The following SGIP1 variants were observed in gnomAD, a reference collection of about 807,000 sequenced individuals.
SGIP1 encodes the protein SH3-containing GRB2-like protein 3-interacting protein 1.
A neutral mutation model predicts 107.5 loss-of-function variants in SGIP1; 38 were observed. The observed-to-expected ratio is 0.35, with a 90% CI of 0.27 to 0.46. The LOEUF (loss-of-function observed/expected upper bound fraction) is 0.46, where lower values mean the gene tolerates loss of function less well. SGIP1 is among the 20% of genes least tolerant of loss of function. SGIP1 has a pLI of 1.00. For missense variants in SGIP1, 929 were observed against 1,019.5 expected (o/e 0.91, Z 1.21); for synonymous variants, 365 against 366.1 (o/e 1.00, Z 0.03).
intron 7 of SGIP1, among the ~76,000 whole-genome samples, chr1:66,649,764 G>T (rs1482018676): frequency 6.6e-6 from 1 of 151,870 alleles, no homozygotes; most frequent in Non-Finnish European, 1.5e-5. Context: ...AATAACCAAA[G>T]TCAGAATTCA....
At chr1:66,675,733 C>CAAAAAGAGACTGGGTTT (rs2085160590) in intron 12 of SGIP1, among the ~76,000 whole-genome samples, 1 of 151,534 alleles carries the variant, frequency 6.6e-6, no homozygotes, top group Non-Finnish European at 1.5e-5. Flanking sequence ...CTGGGTTTCA[C>CAAAAAGAGACTGGGTTT]CATGTTGCCC....
chr1:66,667,461 C>T (rs1025015663), intron 8 of SGIP1, 69 bp from the exon 9 acceptor site: 5 of 1,445,580 alleles, frequency 3.5e-6, no homozygotes, highest in Admixed American at 1.7e-5. Flanking sequence ...TTCTGTTACC[C>T]AAGACTGTTG....
chr1:66,630,893 A>AGGG, intron 2 of SGIP1, among the ~76,000 whole-genome samples: 2 of 60,996 alleles, frequency 3.3e-5, no homozygotes, highest in Admixed American at 1.7e-4. Flanking sequence ...GAAAGAAAGA[A>AGGG]AGAAAGAAAG....
At chr1:66,574,071 A>G (rs1446141761) in intron 1 of SGIP1, among the ~76,000 whole-genome samples, 1 of 152,124 alleles carries the variant, frequency 6.6e-6, no homozygotes, top group East Asian at 1.9e-4. Context: ...TTCACATAAC[A>G]ATCCAATGCA....
chr1:66,559,810 C>CGG (rs556709831), intron 1 of SGIP1, among the ~76,000 whole-genome samples: 1 of 151,814 alleles, frequency 6.6e-6, no homozygotes, highest in Non-Finnish European at 1.5e-5. Context: ...GTTATTTAGC[C>CGG]GGGGGGGTGG....
rs145124896 is a variant in SGIP1 at position 66,582,307 on chromosome 1, G to C, written c.11-43540G>C. On this transcript the variant is annotated intron_variant, in intron 1 of 24. Coordinates refer to ENST00000371037, the MANE Select transcript of SGIP1 (RefSeq NM_032291.4). ...TGAAAATGAAAACCTTTGCTCAGAAGTATTTGTTCTCAGAGGAAGTGGCCA... is the reference window on the plus strand; with the variant it reads ...TGAAAATGAAAACCTTTGCTCAGAACTATTTGTTCTCAGAGGAAGTGGCCA... Among the ~76,000 whole-genome samples, 114 of 152,198 alleles carry C rather than the reference G, an allele frequency of 7.5e-4. 1 individual carries two copies. Among genetic ancestry groups the C allele is most frequent in the South Asian group, 4.8e-3 (23 of 4,830 alleles).
At chr1:66,611,283 G>A (rs1340429733) in intron 1 of SGIP1, among the ~76,000 whole-genome samples, 1 of 152,218 alleles carries the variant, frequency 6.6e-6, no homozygotes, top group Non-Finnish European at 1.5e-5. Context: ...GCTGAGAGAA[G>A]TATAAGTTTA....
At chr1:66,565,581 G>A (rs2059532661) in intron 1 of SGIP1, among the ~76,000 whole-genome samples, 2 of 151,954 alleles carry the variant, frequency 1.3e-5, no homozygotes, top group South Asian at 4.1e-4. Flanking sequence ...AGAGGTATGA[G>A]CAGAAAGTAC....
intron 18 of SGIP1, among the ~76,000 whole-genome samples, chr1:66,700,955 T>C (rs1468800779): frequency 1.3e-5 from 2 of 152,156 alleles, no homozygotes; most frequent in African/African-American, 4.8e-5. Context: ...ACCTTAATCA[T>C]TTACATAATA....
At chr1:66,700,136 C>T (rs567244828) in intron 18 of SGIP1, among the ~76,000 whole-genome samples, 4 of 152,068 alleles carry the variant, frequency 2.6e-5, no homozygotes, top group South Asian at 2.1e-4. Context: ...TTTGGGAGGC[C>T]GAGGCGAGTG....
At position 66,675,541 on chromosome 1, in the gene SGIP1, C is replaced by CTTTTTTTTT. The variant is rs71242802; in HGVS notation, c.647-1453_647-1445dup. ...GTTGTTTTTCTTTTTCTTTTTCTTT[C>CTTTTTTTTT]TTTTTTTTTTTTTTTTTTGACAGAA... On this transcript the variant is annotated intron_variant, in intron 12 of 24. Coordinates refer to ENST00000371037, the MANE Select transcript of SGIP1 (RefSeq NM_032291.4). Among the ~76,000 whole-genome samples the CTTTTTTTTT allele has an allele frequency of 8.9e-5, 10 of 112,392 alleles. 1 individual carries two copies. Among genetic ancestry groups the CTTTTTTTTT allele is most frequent in the Non-Finnish European group, 1.3e-4 (8 of 59,814 alleles). 73.7% of individuals were successfully genotyped at this position (112,392 alleles called of 152,430 possible).
chr1:66,747,623 C>T lies in SGIP1; in HGVS notation c.*4528C>T, dbSNP rs1557857723. ...TCAGATCTCTAACTTGTGAGTTGAA[C>T]CTATTTATTTTGTAAGCTTTTGACT... On this transcript the variant is annotated 3_prime_UTR_variant, in exon 25 of 25. Transcript: ENST00000371037. 1 of 151,938 alleles carries T rather than the reference C, an allele frequency of 6.6e-6. No individual in the cohort carries two copies. Among genetic ancestry groups the T allele is most frequent in the Non-Finnish European group, 1.5e-5 (1 of 67,876 alleles). The allele number at this position is 151,938 out of a possible 1,614,324, so 9.4% of individuals were successfully genotyped here.
At chr1:66,565,365 G>A (rs191358081) in intron 1 of SGIP1, among the ~76,000 whole-genome samples, 196 of 151,940 alleles carry the variant, frequency 1.3e-3, no homozygotes, top group African/African-American at 4.4e-3. Flanking sequence ...ATCTTACCAT[G>A]TTACTCTTGG....
rs199562593 is a variant in SGIP1, at chr1:66,735,194, GTTATTTTATT to G, written c.2031+1336_2031+1345del. Among the ~76,000 whole-genome samples, 8 of 151,236 alleles carry G rather than the reference GTTATTTTATT, an allele frequency of 5.3e-5. No individual in the cohort carries two copies. In the East Asian group the frequency reaches 7.8e-4, roughly 15 times the overall value. The stretch of plus-strand genomic sequence containing the variant: ...CTATAAGATCAACTTTTATTTTTAT[GTTATTTTATT>G]TTATTTTATTTTATTTTATTTAGTT... On this transcript the variant is annotated intron_variant, in intron 21 of 24. Coordinates refer to ENST00000371037, the MANE Select transcript of SGIP1 (RefSeq NM_032291.4).
chr1:66,566,732 C>G (rs1175534759), intron 1 of SGIP1, among the ~76,000 whole-genome samples: 1 of 151,908 alleles, frequency 6.6e-6, no homozygotes, highest in Admixed American at 6.6e-5. Flanking sequence ...CTGGCATACA[C>G]GTGCAGAAAG....
At chr1:66,730,948 C>G (rs1389650854) in intron 20 of SGIP1, among the ~76,000 whole-genome samples, 2 of 152,282 alleles carry the variant, frequency 1.3e-5, no homozygotes, top group Middle Eastern at 3.4e-3. Context: ...TTCTCCTCCC[C>G]ATACCCCCAC....
chr1:66,664,759 G>T (rs780401609), intron 8 of SGIP1, among the ~76,000 whole-genome samples: 6 of 152,124 alleles, frequency 3.9e-5, no homozygotes, highest in Non-Finnish European at 5.9e-5. Flanking sequence ...GTAGCCTCTG[G>T]TGAATCCATG....
intron 1 of SGIP1, among the ~76,000 whole-genome samples, chr1:66,552,928 C>T (rs1485520144): frequency 2.0e-5 from 3 of 152,130 alleles, no homozygotes; most frequent in Non-Finnish European, 4.4e-5. Context: ...CTTTAAGGTG[C>T]TTCTCATTCC....
intron 6 of SGIP1, 104 bp from the exon 7 acceptor site, chr1:66,643,440 G>A: frequency 1.2e-6 from 1 of 855,490 alleles, no homozygotes; most frequent in Non-Finnish European, 1.8e-6. Context: ...TTGATTTTCT[G>A]CCATCTAAGG....
Sources: gnomAD v4.1 joint callset for allele counts (sites outside exome capture counted in the v4.1 genomes callset) on GRCh38, gnomAD v4.1.1 for gene constraint, MANE v1.5 for transcripts, NCBI Gene and HGNC (gene_info 2026-07-23, HGNC 2026-07-21) for gene names.